Variants in IMMP2L observed in about 807,000 individuals in gnomAD.
The protein encoded by IMMP2L is inner mitochondrial membrane peptidase subunit 2, also known as mitochondrial inner membrane protease subunit 2.
Under a neutral mutation model 19.3 loss-of-function variants are expected in IMMP2L, and 18 were observed. The observed-to-expected ratio is 0.93, with a 90% confidence interval of 0.64 to 1.38. The LOEUF (loss-of-function observed/expected upper bound fraction) is 1.38. Among genes scored for constraint, IMMP2L ranks in the 40% most tolerant of loss-of-function variants. The probability of loss-of-function intolerance (pLI) is 0.00; values close to 1 mark genes in which losing one functional copy is unlikely to be tolerated. For missense variants in IMMP2L, 233 were observed against 218.2 expected, an observed-to-expected ratio of 1.07 and a Z score of -0.43; for synonymous variants, 76 against 73.0, an observed-to-expected ratio of 1.04 and a Z score of -0.21.
intron 5 of IMMP2L, among the ~76,000 whole-genome samples, chr7:110,885,176 A>G (rs1016932083): frequency 1.3e-5 from 2 of 150,216 alleles, no homozygotes; most frequent in African/African-American, 4.9e-5. Flanking sequence ...CAAATTTTGG[A>G]TTTTTTTTTT....
At chr7:111,434,343 C>T (rs1836918481) in intron 3 of IMMP2L, among the ~76,000 whole-genome samples, 1 of 150,488 alleles carries the variant, frequency 6.6e-6, no homozygotes. Flanking sequence ...AAAGCCAATG[C>T]AACAAAAACA....
At chr7:111,156,806 A>T (rs1019313676) in intron 3 of IMMP2L, among the ~76,000 whole-genome samples, 1 of 151,804 alleles carries the variant, frequency 6.6e-6, no homozygotes, top group Non-Finnish European at 1.5e-5. Context: ...TGCTTGGAAC[A>T]CCAGACTGGT....
intron 5 of IMMP2L, among the ~76,000 whole-genome samples, chr7:110,718,311 G>A (rs1486864354): frequency 1.3e-5 from 2 of 152,200 alleles, no homozygotes; most frequent in Admixed American, 1.3e-4. Context: ...AGGGTTAGAA[G>A]TGAAGTAGGA....
intron 3 of IMMP2L, among the ~76,000 whole-genome samples, chr7:110,992,387 C>A (rs2129559775): frequency 6.6e-6 from 1 of 151,734 alleles, no homozygotes; most frequent in African/African-American, 2.4e-5. Flanking sequence ...AGATTTGATA[C>A]CAATTTCAAG....
intron 3 of IMMP2L, among the ~76,000 whole-genome samples, chr7:111,241,745 T>G (rs1815078968): frequency 6.6e-6 from 1 of 151,544 alleles, no homozygotes; most frequent in African/African-American, 2.4e-5. Flanking sequence ...ATATTTTATA[T>G]ATACACTTTT....
chr7:110,718,163 T>C (rs982206390), intron 5 of IMMP2L, among the ~76,000 whole-genome samples: 9 of 152,246 alleles, frequency 5.9e-5, no homozygotes, highest in African/African-American at 2.2e-4. Context: ...AGATTTATGA[T>C]ATAAGGTGGT....
chr7:111,093,281 C>G (rs1797056052), intron 3 of IMMP2L, among the ~76,000 whole-genome samples: 1 of 152,068 alleles, frequency 6.6e-6, no homozygotes, highest in South Asian at 2.1e-4. Context: ...CACATGCAAT[C>G]TATAAAAAAA....
Position 111,378,108 on chromosome 7 carries a change from T to C in IMMP2L, c.239+109130A>G, listed in dbSNP as rs1584868197. Among the ~76,000 whole-genome samples the C allele has an allele frequency of 2.0e-5, 3 of 151,998 alleles. 1 individual carries two copies. The East Asian group carries it at 5.8e-4, about 29-fold the overall frequency. On this transcript the variant is annotated intron_variant, in intron 3 of 5. Coordinates refer to ENST00000405709, the MANE Select transcript of IMMP2L (RefSeq NM_032549.4). ...AGATAATATAAAAAAAACTGAAATA[T>C]AATCTCTAATCAATTTTTGTTTACA...
chr7:111,061,594 A>G (rs1794021271), intron 3 of IMMP2L, among the ~76,000 whole-genome samples: 1 of 151,964 alleles, frequency 6.6e-6, no homozygotes, highest in African/African-American at 2.4e-5. Flanking sequence ...AATACATCTC[A>G]AGTCCACAGG....
At chr7:111,505,003 A>G (rs1844728923) in intron 2 of IMMP2L, among the ~76,000 whole-genome samples, 1 of 152,178 alleles carries the variant, frequency 6.6e-6, no homozygotes. Flanking sequence ...GCTTCTGCAC[A>G]GCAAAAGAAA....
intron 3 of IMMP2L, among the ~76,000 whole-genome samples, chr7:111,363,057 C>T (rs1829413082): frequency 6.6e-6 from 1 of 152,080 alleles, no homozygotes; most frequent in South Asian, 2.1e-4. Flanking sequence ...TCCTTCACTA[C>T]TCCAAGTGTT....
At chr7:111,426,581 G>A (rs577174670) in intron 3 of IMMP2L, among the ~76,000 whole-genome samples, 1 of 151,120 alleles carries the variant, frequency 6.6e-6, no homozygotes, top group South Asian at 2.1e-4. Flanking sequence ...AACTGACAAA[G>A]GACAAATATC....
intron 3 of IMMP2L, among the ~76,000 whole-genome samples, chr7:111,484,569 TAAATA>T (rs1255356804): frequency 6.6e-6 from 1 of 152,158 alleles, no homozygotes; most frequent in Non-Finnish European, 1.5e-5. Context: ...ACACATTTCT[TAAATA>T]AATAGGATGT....
chr7:110,930,338 T>G (rs1815331069), intron 4 of IMMP2L, among the ~76,000 whole-genome samples: 1 of 151,948 alleles, frequency 6.6e-6, no homozygotes, highest in Admixed American at 6.6e-5. Context: ...TTTCCCTAAC[T>G]TGAGCTTCTC....
intron 3 of IMMP2L, among the ~76,000 whole-genome samples, chr7:111,341,250 A>G (rs1826979576): frequency 1.3e-5 from 2 of 152,222 alleles, no homozygotes; most frequent in South Asian, 4.2e-4. Flanking sequence ...AATACATCAC[A>G]CAGAAAAGTT....
intron 5 of IMMP2L, among the ~76,000 whole-genome samples, chr7:110,859,975 T>A (rs1807220327): frequency 6.6e-6 from 1 of 152,228 alleles, no homozygotes; most frequent in South Asian, 2.1e-4. Context: ...ACTGATGTTA[T>A]ATTTTTAACC....
At chr7:110,914,565 G>A (rs192868833) in intron 4 of IMMP2L, among the ~76,000 whole-genome samples, 99 of 152,124 alleles carry the variant, frequency 6.5e-4, no homozygotes, top group Non-Finnish European at 4.9e-4. Context: ...TTGGGACATC[G>A]TCCCCATAAA....
chr7:111,405,743 T>C (rs1222236938), intron 3 of IMMP2L, among the ~76,000 whole-genome samples: 1 of 152,144 alleles, frequency 6.6e-6, no homozygotes, highest in East Asian at 1.9e-4. Flanking sequence ...AGGAGGGGTA[T>C]AGGACTTTTG....
At chr7:111,454,573 A>G (rs1285328427) in intron 3 of IMMP2L, among the ~76,000 whole-genome samples, 2 of 152,042 alleles carry the variant, frequency 1.3e-5, no homozygotes, top group Non-Finnish European at 2.9e-5. Context: ...CCTGTGTATC[A>G]TTTCAAAAAA....
Sources: gnomAD v4.1 joint callset for allele counts (sites outside exome capture counted in the v4.1 genomes callset) on GRCh38, gnomAD v4.1.1 for gene constraint, MANE v1.5 for transcripts, NCBI Gene and HGNC (gene_info 2026-07-23, HGNC 2026-07-21) for gene names.